Variants in RGS9 observed in about 807,000 individuals in gnomAD.
The protein encoded by RGS9 is regulator of G protein signaling 9.
A neutral mutation model predicts 102.0 loss-of-function variants in RGS9; 78 were observed. The observed-to-expected ratio is 0.76, with a 90% confidence interval of 0.64 to 0.92. The LOEUF (loss-of-function observed/expected upper bound fraction) is 0.92, where lower values mean the gene tolerates loss of function less well. Ranked by LOEUF, RGS9 falls within the 40% of genes least tolerant of loss-of-function variation. The pLI is 0.00. For synonymous variants in RGS9, 353 were observed against 318.6 expected, an observed-to-expected ratio of 1.11 and a Z score of -1.15; for missense variants, 833 against 866.1, an observed-to-expected ratio of 0.96 and a Z score of 0.48.
intron 9 of RGS9, among the ~76,000 whole-genome samples, chr17:65,183,052 A>AT (rs141840859): frequency 5.0e-5 from 5 of 99,866 alleles, no homozygotes; most frequent in African/African-American, 4.1e-4. Flanking sequence ...CACCCCCTTA[A>AT]TTTTTTTAAA....
intron 2 of RGS9, among the ~76,000 whole-genome samples, chr17:65,157,519 A>G (rs1215672876): frequency 6.6e-6 from 1 of 151,478 alleles, no homozygotes. Flanking sequence ...ACGGGTGCAC[A>G]TTCTCTCCTG....
rs140411671 is a variant in RGS9, at chr17:65,173,168, G to A, written c.583-4564G>A. ...CGAACTCCTGACCTCATGATCTGCC[G>A]GCCTCAGGCTTTCAAAGTGCTGGGA... is the stretch of plus-strand genomic sequence containing the variant. On this transcript the variant is annotated intron_variant, in intron 8 of 18. Transcript: ENST00000262406. This position sits in a 1 kb window ranked among gnomAD's most constrained non-coding sequence, Gnocchi z 4.8. Among the ~76,000 whole-genome samples, 866 of 151,804 alleles carry A rather than the reference G, an allele frequency of 5.7e-3. 10 individuals carry two copies. The highest frequency in any genetic ancestry group is 0.019 in the African/African-American group (774 of 41,376).
chr17:65,146,078 T>C (rs1356743635), intron 1 of RGS9, among the ~76,000 whole-genome samples: 2 of 151,698 alleles, frequency 1.3e-5, no homozygotes, highest in Non-Finnish European at 2.9e-5. Context: ...TATAACTCGA[T>C]TTTTTTTTAA....
intron 1 of RGS9, among the ~76,000 whole-genome samples, chr17:65,142,308 G>C (rs1341280912): frequency 6.6e-6 from 1 of 152,156 alleles, no homozygotes; most frequent in African/African-American, 2.4e-5. Flanking sequence ...GAACTGGAGG[G>C]CTTCCTAGGT....
intron 3 of RGS9, among the ~76,000 whole-genome samples, chr17:65,159,867 C>T (rs913552198): frequency 6.6e-6 from 1 of 152,190 alleles, no homozygotes; most frequent in Admixed American, 6.5e-5. Context: ...GAGACATTTT[C>T]TTCCCAGTCC....
chr17:65,143,784 ACT>A (rs1230695890), intron 1 of RGS9, among the ~76,000 whole-genome samples: 1 of 128,644 alleles, frequency 7.8e-6, no homozygotes, highest in Non-Finnish European at 1.5e-5. Flanking sequence ...ACAGAGCCAG[ACT>A]CTGTCTCAAA....
intron 7 of RGS9, among the ~76,000 whole-genome samples, chr17:65,167,305 G>A (rs575335960): frequency 3.8e-4 from 58 of 152,108 alleles, no homozygotes; most frequent in South Asian, 1.7e-3. Flanking sequence ...AGATTCAAAC[G>A]ATTCTCCTGC....
At chr17:65,224,765 C>T (rs1905542684) in intron 17 of RGS9, among the ~76,000 whole-genome samples, 1 of 152,160 alleles carries the variant, frequency 6.6e-6, no homozygotes. Flanking sequence ...ACTGCTTAGC[C>T]CTGGGACTGT....
intron 9 of RGS9, among the ~76,000 whole-genome samples, 182 bp downstream of exon 9, chr17:65,177,985 C>T (rs1446737502): frequency 6.6e-6 from 1 of 152,104 alleles, no homozygotes; most frequent in East Asian, 1.9e-4. Context: ...TGGCAGGATG[C>T]TAGGTGAGAA....
intron 3 of RGS9, chr17:65,158,586 C>T (rs1473978799): frequency 3.4e-6 from 2 of 587,724 alleles, no homozygotes; most frequent in Admixed American, 2.5e-5. Context: ...AGGACTCAGT[C>T]AAGAAAGTCC....
In RGS9 at chr17:65,202,035, A is replaced by G. The variant is rs772513276; in HGVS notation, c.1019A>G (p.Tyr340Cys). The change falls in exon 14 of 19, where the codon TAT (tyrosine) becomes TGT (cysteine). Residue 340 changes from tyrosine to cysteine, a missense_variant. Around this residue, in one of 3 missense-constraint regions of RGS9, gnomAD observed 185 missense variants for 248.7 expected, o/e 0.74. Transcript: ENST00000262406. ...GFWEACEDLK[Y>C]GDQSKVKEKA... is the part of the protein sequence containing the mutation. Reference sequence around the variant, plus strand: ...TGGGAAGCCTGCGAGGATCTGAAGTATGGAGATCAGTCCAAAGTCAAGGAG... The same window carrying G: ...TGGGAAGCCTGCGAGGATCTGAAGTGTGGAGATCAGTCCAAAGTCAAGGAG... 1.9e-6 allele frequency: 3 copies of G among 1,613,870 alleles called. No homozygotes were observed. Among genetic ancestry groups the G allele is most frequent in the South Asian group, 1.1e-5 (1 of 91,074 alleles).
chr17:65,177,093 CCTT>C (rs1911664837), intron 8 of RGS9, among the ~76,000 whole-genome samples: 1 of 149,902 alleles, frequency 6.7e-6, no homozygotes, highest in African/African-American at 2.5e-5. Context: ...ATCCATCCAT[CCTT>C]CCATCCCTCC....
chr17:65,198,749 A>G (rs1912697544), intron 13 of RGS9, among the ~76,000 whole-genome samples: 1 of 152,216 alleles, frequency 6.6e-6, no homozygotes, highest in African/African-American at 2.4e-5. Flanking sequence ...TTACTACCCA[A>G]GATCCACTTG....
chr17:65,204,216 T>C lies in RGS9; in HGVS notation c.1118T>C (p.Met373Thr). ...TGGATCAACATAGATGGCAAAACCATGGACATCACAGTGAAGGGGCTGAAG... is the reference window on the plus strand; with the variant it reads ...TGGATCAACATAGATGGCAAAACCACGGACATCACAGTGAAGGGGCTGAAG... ...RRWINIDGKT[M>T]DITVKGLKHP... Residue 373 changes from methionine to threonine, a missense_variant, in exon 15 of 19, where the codon ATG (methionine) becomes ACG (threonine). Coordinates refer to ENST00000262406, the MANE Select transcript of RGS9 (RefSeq NM_003835.4). 6.2e-7 allele frequency: 1 copy of C among 1,613,338 alleles called. No homozygotes were observed. Among genetic ancestry groups the C allele is most frequent in the Non-Finnish European group, 8.5e-7 (1 of 1,180,018 alleles).
At chr17:65,138,358 C>T (rs1165724024) in intron 1 of RGS9, among the ~76,000 whole-genome samples, 2 of 152,170 alleles carry the variant, frequency 1.3e-5, no homozygotes, top group Non-Finnish European at 2.9e-5. Context: ...CTTTTCACAG[C>T]GTAGTGTCCA....
chr17:65,204,175 C>T lies in RGS9; in HGVS notation c.1077C>T (p.Ala359=). The T allele has an allele frequency of 6.2e-7, 1 of 1,612,594 alleles. No individual in the cohort carries two copies. Among genetic ancestry groups the T allele is most frequent in the Non-Finnish European group, 8.5e-7 (1 of 1,180,024 alleles). The change falls in exon 15 of 19, where the codon GCC becomes GCT. Residue 359 remains alanine (A), a synonymous_variant. Transcript: ENST00000262406. ...CCTCCCACCCCAGGCTGTTCCTGGC[C>T]CCGGGGGCGAGGCGCTGGATCAACA... ...KAEEIYKLFL[A]PGARRWINID...
intron 1 of RGS9, among the ~76,000 whole-genome samples, chr17:65,137,969 C>T (rs1055479332): frequency 7.2e-5 from 11 of 152,102 alleles, no homozygotes; most frequent in Admixed American, 1.3e-4. Context: ...TCCCAAACTG[C>T]ACTATTTTAA....
chr17:65,208,860 C>A (rs547103480), intron 16 of RGS9, among the ~76,000 whole-genome samples: 249 of 151,690 alleles, frequency 1.6e-3, no homozygotes, highest in African/African-American at 5.6e-3. Context: ...ACAACAACAA[C>A]AAAAAAAACC....
Position 65,160,544 on chromosome 17 carries a change from T to A in RGS9, c.321T>A (p.Tyr107Ter). 6.2e-7 allele frequency: 1 copy of A among 1,614,250 alleles called. No homozygotes were observed. Among genetic ancestry groups the A allele is most frequent in the South Asian group, 1.1e-5 (1 of 91,088 alleles). ...DGSLYRFQTP[Y>*]FWPTQQWPAE... ...CCTGGTTTCTTTTGCAGACACCGTA[T>A]TTCTGGCCCACCCAGCAGTGGCCAG... The change falls in exon 5 of 19, where the codon TAT becomes TAA. Residue 107 changes from tyrosine to a stop codon, truncating the protein, a stop_gained. Coordinates refer to ENST00000262406, the MANE Select transcript of RGS9 (RefSeq NM_003835.4). LOFTEE classifies it high-confidence loss of function.
Sources: allele counts gnomAD v4.1 joint callset (sites outside exome capture counted in the v4.1 genomes callset), GRCh38; gene constraint gnomAD v4.1.1; regional missense constraint gnomAD v4.1.1; non-coding constraint Gnocchi (gnomAD v3.1); transcripts MANE v1.5; gene names NCBI Gene and HGNC (gene_info 2026-07-23, HGNC 2026-07-21).